Variants in SLC24A5 observed in about 807,000 individuals in gnomAD.
The protein encoded by SLC24A5 is sodium/potassium/calcium exchanger 5.
In SLC24A5, 46 loss-of-function variants were observed where a neutral mutation model predicts 51.6. That is an observed-to-expected ratio of 0.89 (90% confidence interval 0.70 to 1.14). SLC24A5 has a LOEUF of 1.14. Ranked by LOEUF, SLC24A5 falls within the 50% of genes most tolerant of loss-of-function variation. The pLI is 0.00. For missense variants in SLC24A5, 581 were observed against 604.1 expected (o/e 0.96, Z 0.40); for synonymous variants, 230 against 214.9 (o/e 1.07, Z -0.62).
chr15:48,121,242 A>G (rs2038676385), intron 1 of SLC24A5, 77 bp downstream of exon 1: 20 of 1,462,672 alleles, frequency 1.4e-5, no homozygotes, highest in Middle Eastern at 4.6e-4. Flanking sequence ...GAAGGGACAA[A>G]AAGAGGAAAA....
intron 4 of SLC24A5, 51 bp from the exon 5 acceptor site, chr15:48,134,833 G>A: frequency 2.2e-6 from 3 of 1,343,238 alleles, no homozygotes; most frequent in Non-Finnish European, 3.2e-6. Flanking sequence ...ACTAAGGATT[G>A]TACTTGAAGA....
intron 5 of SLC24A5, chr15:48,136,461 T>TA (rs56091519): frequency 0.11 from 32,171 of 300,572 alleles, 54 homozygotes; most frequent in East Asian, 0.22. Context: ...ATCTTGTTTT[T>TA]AAAAAAAAAA....
In SLC24A5 at chr15:48,142,225, T is replaced by C; in HGVS notation, c.1377T>C (p.Asn459=). The C allele has an allele frequency of 1.2e-6, 2 of 1,613,856 alleles. No homozygotes were observed. The highest frequency in any genetic ancestry group is 2.7e-5 in the African/African-American group (2 of 75,040). ...TTCTTTTTTTAGCAGTTCACTTCAA[T>C]GGCTGGAAACTAGACAGAAAGTTGG... ...IIFLFLAVHF[N]GWKLDRKLGI... Residue 459 remains asparagine (N), a synonymous_variant, in exon 9 of 9, where the codon AAT becomes AAC. Coordinates refer to ENST00000341459, the MANE Select transcript of SLC24A5 (RefSeq NM_205850.3).
In SLC24A5 at chr15:48,142,632, G is replaced by GTTTC; in HGVS notation, c.*282_*283insTTCT. ...AACTAGAACAAACAAATCCAACTAT[G>GTTTC]TAGTACTGAAAACAACAAGAAAATG... is the stretch of plus-strand genomic sequence containing the variant. On this transcript the variant is annotated 3_prime_UTR_variant, in exon 9 of 9. Transcript: ENST00000341459. 1 of 451,634 alleles carries GTTTC rather than the reference G, an allele frequency of 2.2e-6. No individual in the cohort carries two copies. Among genetic ancestry groups the GTTTC allele is most frequent in the South Asian group, 4.3e-5 (1 of 22,998 alleles). 28.0% of individuals were successfully genotyped at this position (451,634 alleles called of 1,614,324 possible). A position where few individuals can be genotyped will look rare whatever the true frequency, so the allele number is the denominator to read the frequency against.
At chr15:48,137,069 G>T in intron 6 of SLC24A5, 106 bp downstream of exon 6, 1 of 1,232,632 alleles carries the variant, frequency 8.1e-7, no homozygotes, top group Non-Finnish European at 1.1e-6. Context: ...AAAAAAGACT[G>T]TGAAGACTCA....
Position 48,136,797 on chromosome 15 carries a change from T to C in SLC24A5, c.705T>C (p.Leu235=). 1 of 1,613,820 alleles carries C rather than the reference T, an allele frequency of 6.2e-7. No individual in the cohort carries two copies. Residue 235 remains leucine (L), a synonymous_variant, in exon 6 of 9, where the codon CTT becomes CTC. Transcript: ENST00000341459. Reference sequence around the variant, plus strand: ...AATGCAGTCCTTGCTGCGCCTGTCTTGCCAAAGCTATGGAGAGAAGTGAAC... The same window carrying C: ...AATGCAGTCCTTGCTGCGCCTGTCTCGCCAAAGCTATGGAGAGAAGTGAAC... ...IKKCSPCCAC[L]AKAMERSEQQ... is the part of the protein sequence containing the mutation.
At chr15:48,134,742 C>T in intron 4 of SLC24A5, 142 bp from the exon 5 acceptor site, 2 of 776,054 alleles carry the variant, frequency 2.6e-6, no homozygotes, top group Non-Finnish European at 4.0e-6. Context: ...AGTTAGAACA[C>T]AATTTTACAT....
intron 2 of SLC24A5, among the ~76,000 whole-genome samples, chr15:48,131,278 G>T (rs1231714129): frequency 6.6e-6 from 1 of 151,944 alleles, no homozygotes; most frequent in South Asian, 2.1e-4. Flanking sequence ...GTGATTATAC[G>T]TATGCATGTA....
chr15:48,133,182 G>A (rs8041370), intron 2 of SLC24A5, among the ~76,000 whole-genome samples: 4,820 of 152,106 alleles, frequency 0.032, 188 homozygotes, highest in Admixed American at 0.09. Flanking sequence ...TATAGTAAAC[G>A]ACAATAAACA....
intron 2 of SLC24A5, among the ~76,000 whole-genome samples, chr15:48,126,167 C>G (rs1214468259): frequency 6.6e-6 from 1 of 152,044 alleles, no homozygotes; most frequent in East Asian, 1.9e-4. Context: ...TTTTTTCCTT[C>G]TCCTTGCTCT....
intron 7 of SLC24A5, 98 bp from the exon 8 acceptor site, chr15:48,141,015 T>C: frequency 1.1e-6 from 1 of 916,480 alleles, no homozygotes; most frequent in Non-Finnish European, 1.7e-6. Context: ...TAAATGTGCC[T>C]ATTTTATTTT....
At chr15:48,139,662 A>C (rs1177806412) in intron 7 of SLC24A5, 1 of 152,666 alleles carries the variant, frequency 6.6e-6, no homozygotes, top group Non-Finnish European at 1.5e-5. Flanking sequence ...AAATGAGTGA[A>C]AAGGGCATAA....
intron 7 of SLC24A5, chr15:48,139,447 T>C (rs3743288): frequency 0.032 from 8,272 of 260,766 alleles, 437 homozygotes; most frequent in African/African-American, 0.11. Context: ...AGGATGTCTT[T>C]TTATTATGCT....
intron 5 of SLC24A5, chr15:48,136,461 TA>T (rs56091519): frequency 0.049 from 14,908 of 304,576 alleles, 4 homozygotes; most frequent in Middle Eastern, 0.071. Flanking sequence ...ATCTTGTTTT[TA>T]AAAAAAAAAA....
intron 6 of SLC24A5, chr15:48,137,686 G>A (rs1011522479): frequency 1.3e-5 from 2 of 152,104 alleles, no homozygotes; most frequent in Non-Finnish European, 2.9e-5. Context: ...AAGACTATAT[G>A]GGGCCAGAAA....
chr15:48,122,364 T>C (rs1024627835), intron 2 of SLC24A5: 6 of 439,440 alleles, frequency 1.4e-5, no homozygotes, highest in Non-Finnish European at 2.0e-5. Flanking sequence ...GCGCTCCTAA[T>C]ACAATGAAAC....
At chr15:48,140,977 T>A in intron 7 of SLC24A5, 136 bp from the exon 8 acceptor site, 1 of 612,726 alleles carries the variant, frequency 1.6e-6, no homozygotes, top group Non-Finnish European at 2.8e-6. Context: ...AAAAAACTAA[T>A]AAGCAAGCAC....
Position 48,122,337 on chromosome 15 carries a change from T to A in SLC24A5, c.301+301T>A, listed in dbSNP as rs746310848. ...TATAAGAACTGTTCCAAGATTTCAC[T>A]TGTATGTACTTTGTGTGCGCTCCTA... On this transcript the variant is annotated intron_variant, in intron 2 of 8. Coordinates refer to ENST00000341459, the MANE Select transcript of SLC24A5 (RefSeq NM_205850.3). The A allele has an allele frequency of 7.4e-6, 4 of 542,268 alleles. No individual in the cohort carries two copies. In the African/African-American group the frequency reaches 7.5e-5, roughly 10 times the overall value. The allele number at this position is 542,268 out of a possible 1,614,324, so 33.6% of individuals were successfully genotyped here.
intron 2 of SLC24A5, among the ~76,000 whole-genome samples, chr15:48,126,809 C>T (rs1173499689): frequency 6.6e-5 from 10 of 152,314 alleles, no homozygotes; most frequent in African/African-American, 2.2e-4. Flanking sequence ...GACTTAGAAA[C>T]CTGTGTCTAA....
Sources: gnomAD v4.1 joint callset for allele counts (sites outside exome capture counted in the v4.1 genomes callset) on GRCh38, gnomAD v4.1.1 for gene constraint, MANE v1.5 for transcripts, NCBI Gene and HGNC (gene_info 2026-07-23, HGNC 2026-07-21) for gene names.